Variants in CACNA2D3 observed in about 807,000 individuals in gnomAD.
CACNA2D3 encodes calcium voltage-gated channel auxiliary subunit alpha2delta 3, also known as voltage-dependent calcium channel subunit alpha-2/delta-3.
CACNA2D3 carries 60 observed loss-of-function variants against 160.6 expected under a neutral mutation model. The ratio of observed to expected loss-of-function variants is 0.37; its 90% confidence interval spans 0.30 to 0.46. The LOEUF is 0.46. CACNA2D3 is among the 20% of genes least tolerant of loss of function. CACNA2D3 has a pLI of 1.00. For missense variants in CACNA2D3, 1,205 were observed against 1,365.0 expected, an observed-to-expected ratio of 0.88 and a Z score of 1.85; for synonymous variants, 558 against 492.9, an observed-to-expected ratio of 1.13 and a Z score of -1.75.
At chr3:54,556,615 A>G (rs1461603940) in intron 5 of CACNA2D3, among the ~76,000 whole-genome samples, 1 of 152,198 alleles carries the variant, frequency 6.6e-6, no homozygotes, top group Non-Finnish European at 1.5e-5. Context: ...TAAAAAGATG[A>G]GAGGTGGAGG....
At chr3:54,481,611 G>T (rs143148871) in intron 4 of CACNA2D3, among the ~76,000 whole-genome samples, 1 of 152,246 alleles carries the variant, frequency 6.6e-6, no homozygotes, top group South Asian at 2.1e-4. Context: ...AAGTGTACAC[G>T]GCCTTCATTC....
intron 16 of CACNA2D3, 74 bp from the exon 17 acceptor site, chr3:54,846,319 C>A: frequency 1.1e-6 from 1 of 891,560 alleles, no homozygotes; most frequent in East Asian, 2.6e-5. Flanking sequence ...TTACTAAATG[C>A]CGGGCTGCTT....
In CACNA2D3 at chr3:54,626,704, A is replaced by G. The variant is rs1699121447; in HGVS notation, c.964-1083A>G. 8 of 744,916 alleles carry G rather than the reference A, an allele frequency of 1.1e-5. 1 individual carries two copies. Among genetic ancestry groups the G allele is most frequent in the East Asian group, 8.2e-5 (3 of 36,456 alleles). 46.1% of individuals were successfully genotyped at this position (744,916 alleles called of 1,614,324 possible). A position where few individuals can be genotyped will look rare whatever the true frequency, so the allele number is the denominator to read the frequency against. On this transcript the variant is annotated intron_variant, in intron 9 of 37. Coordinates refer to ENST00000474759, the MANE Select transcript of CACNA2D3 (RefSeq NM_018398.3). ...CCAGTCAAAAAAAAAAAAAAAAAAA[A>G]AAAAAGAAAGAAAAAGAAAGGGGTT...
intron 2 of CACNA2D3, among the ~76,000 whole-genome samples, chr3:54,286,158 G>A (rs113657159): frequency 2.0e-5 from 3 of 152,056 alleles, no homozygotes; most frequent in African/African-American, 7.2e-5. Context: ...TCAAACCAAT[G>A]GCAAAGAAGT....
rs1031824965 is a variant in CACNA2D3, at chr3:54,123,664, C to T, written c.204+70C>T. ...GAAAATGGAGGCAGATTTAGTTTTC[C>T]AAACAAACGTGAGCCCCGAGCAGCA... On this transcript the variant is annotated intron_variant, in intron 2 of 37. Transcript: ENST00000474759. The T allele has an allele frequency of 1.3e-4, 171 of 1,275,658 alleles. 1 individual carries two copies. Among genetic ancestry groups the T allele is most frequent in the East Asian group, 6.9e-5 (3 of 43,340 alleles). 79.0% of individuals were successfully genotyped at this position (1,275,658 alleles called of 1,614,324 possible). A position where few individuals can be genotyped will look rare whatever the true frequency, so the allele number is the denominator to read the frequency against.
intron 2 of CACNA2D3, among the ~76,000 whole-genome samples, chr3:54,167,446 G>A (rs1429058700): frequency 2.0e-5 from 3 of 152,114 alleles, no homozygotes; most frequent in Non-Finnish European, 4.4e-5. Flanking sequence ...ATTTGTCATT[G>A]CCATACACCG....
chr3:54,987,344 T>C (rs1465529198), intron 30 of CACNA2D3, among the ~76,000 whole-genome samples: 3 of 152,182 alleles, frequency 2.0e-5, no homozygotes, highest in Non-Finnish European at 4.4e-5. Context: ...GAAGTAGTGT[T>C]TTAATCACAC....
At chr3:55,017,611 C>T (rs888601022) in intron 34 of CACNA2D3, among the ~76,000 whole-genome samples, 1 of 152,160 alleles carries the variant, frequency 6.6e-6, no homozygotes, top group African/African-American at 2.4e-5. Flanking sequence ...ATCTTGCCCA[C>T]TGGACAATCA....
intron 2 of CACNA2D3, among the ~76,000 whole-genome samples, chr3:54,308,265 T>C (rs1313936374): frequency 6.6e-6 from 1 of 152,212 alleles, no homozygotes; most frequent in Non-Finnish European, 1.5e-5. Context: ...TAGTGTTGAC[T>C]TGGAGCCTGG....
chr3:54,168,291 C>T lies in CACNA2D3; in HGVS notation c.204+44697C>T, dbSNP rs1559869851. ...AATGAATGAGTTTGTAACTTCCATTCGCTTGGGCTAACATGATTTCACATT... is the reference window on the plus strand; with the variant it reads ...AATGAATGAGTTTGTAACTTCCATTTGCTTGGGCTAACATGATTTCACATT... On this transcript the variant is annotated intron_variant, in intron 2 of 37. Transcript: ENST00000474759. Among the ~76,000 whole-genome samples the T allele has an allele frequency of 3.3e-5, 5 of 152,160 alleles. No homozygotes were observed. In the South Asian group the frequency reaches 8.3e-4, roughly 25 times the overall value.
At chr3:54,747,133 G>A (rs552246906) in intron 11 of CACNA2D3, among the ~76,000 whole-genome samples, 1 of 152,162 alleles carries the variant, frequency 6.6e-6, no homozygotes, top group South Asian at 2.1e-4. Context: ...GACCTCATCT[G>A]CTTGGTGGCA....
At position 54,129,684 on chromosome 3, in the gene CACNA2D3, A is replaced by G. The variant is rs1699667988; in HGVS notation, c.204+6090A>G. Among the ~76,000 whole-genome samples, 3 of 152,242 alleles carry G rather than the reference A, an allele frequency of 2.0e-5. No individual in the cohort carries two copies. The South Asian group carries it at 6.2e-4, about 32-fold the overall frequency. On this transcript the variant is annotated intron_variant, in intron 2 of 37. Transcript: ENST00000474759. ...GTTAAAAGGACTGTTATGCATGTAA[A>G]TGATCTGGACAGGCAAGGTGGGTAA...
At chr3:54,979,560 T>A (rs1022139362) in intron 29 of CACNA2D3, among the ~76,000 whole-genome samples, 1 of 152,174 alleles carries the variant, frequency 6.6e-6, no homozygotes, top group Admixed American at 6.5e-5. Context: ...AAAGAAAAAT[T>A]TTCTTGGCCC....
rs945003129 is a variant in CACNA2D3, at chr3:55,074,237, G to A, written c.*31G>A. On this transcript the variant is annotated 3_prime_UTR_variant, in exon 38 of 38. Coordinates refer to ENST00000474759, the MANE Select transcript of CACNA2D3 (RefSeq NM_018398.3). The stretch of plus-strand genomic sequence containing the variant: ...ACTGAGATGTTCTCTTACTGACTGA[G>A]ATGTTCTCTTGGCATGCTAAATCAT... 1 of 1,225,736 alleles carries A rather than the reference G, an allele frequency of 8.2e-7. No homozygotes were observed. Among genetic ancestry groups the A allele is most frequent in the East Asian group, 2.3e-5 (1 of 44,152 alleles). The allele number at this position is 1,225,736 out of a possible 1,614,324, so 75.9% of individuals were successfully genotyped here. A position where few individuals can be genotyped will look rare whatever the true frequency, so the allele number is the denominator to read the frequency against.
At chr3:54,684,387 G>T (rs1002529066) in intron 11 of CACNA2D3, among the ~76,000 whole-genome samples, 1 of 152,132 alleles carries the variant, frequency 6.6e-6, no homozygotes, top group African/African-American at 2.4e-5. Flanking sequence ...AGGTACTGGG[G>T]ATTAGGACCT....
chr3:54,943,787 C>G (rs545750736), intron 27 of CACNA2D3, among the ~76,000 whole-genome samples: 29 of 152,292 alleles, frequency 1.9e-4, no homozygotes, highest in African/African-American at 6.3e-4. Flanking sequence ...TAATAGCTCT[C>G]TAGGTTTGCT....
At chr3:54,849,848 C>G (rs1699017539) in intron 17 of CACNA2D3, among the ~76,000 whole-genome samples, 1 of 152,212 alleles carries the variant, frequency 6.6e-6, no homozygotes, top group Non-Finnish European at 1.5e-5. Context: ...TCGGCCCCTA[C>G]AGCCAGAGGA....
In CACNA2D3 at chr3:54,856,235, C is replaced by T. The variant is rs539711779; in HGVS notation, c.1626+9768C>T. Among the ~76,000 whole-genome samples the T allele has an allele frequency of 1.2e-4, 17 of 145,422 alleles. No individual in the cohort carries two copies. The East Asian group carries it at 2.5e-3, about 22-fold the overall frequency. On this transcript the variant is annotated intron_variant, in intron 17 of 37. Coordinates refer to ENST00000474759, the MANE Select transcript of CACNA2D3 (RefSeq NM_018398.3). The stretch of plus-strand genomic sequence containing the variant: ...TGAAACAATATGTTATCAAGCACCA[C>T]GGTTGAGAGTACTGACAAGAAGGAG...
chr3:54,875,956 G>A (rs546993877), intron 18 of CACNA2D3, among the ~76,000 whole-genome samples: 3 of 152,152 alleles, frequency 2.0e-5, no homozygotes, highest in Non-Finnish European at 4.4e-5. Flanking sequence ...AAAAATCAAG[G>A]TATGCCACTG....
Sources: allele counts gnomAD v4.1 joint callset (sites outside exome capture counted in the v4.1 genomes callset), GRCh38; gene constraint gnomAD v4.1.1; transcripts MANE v1.5; gene names NCBI Gene and HGNC (gene_info 2026-07-23, HGNC 2026-07-21).